The following FREM3 variants were observed in gnomAD, a reference collection of about 807,000 sequenced individuals.
FREM3 encodes the protein FRAS1-related extracellular matrix protein 3.
Under a neutral mutation model 129.1 loss-of-function variants are expected in FREM3, and 105 were observed. The ratio of observed to expected loss-of-function variants is 0.81; its 90% confidence interval spans 0.69 to 0.96. FREM3 has a LOEUF of 0.96. FREM3 is among the 40% of genes least tolerant of loss of function. FREM3 has a pLI of 0.00. For synonymous variants in FREM3, 1,014 were observed against 1,044.9 expected, an observed-to-expected ratio of 0.97 and a Z score of 0.57; for missense variants, 2,593 against 2,666.3, an observed-to-expected ratio of 0.97 and a Z score of 0.61.
At position 143,674,086 on chromosome 4, in the gene FREM3, T is replaced by G. The variant is rs421609; in HGVS notation, c.5275+19027A>C. Among the ~76,000 whole-genome samples the G allele has an allele frequency of 6.6e-5, 10 of 152,264 alleles. No individual in the cohort carries two copies. The East Asian group carries it at 1.2e-3, about 18-fold the overall frequency. On this transcript the variant is annotated intron_variant, in intron 2 of 7. Coordinates refer to ENST00000329798, the MANE Select transcript of FREM3 (RefSeq NM_001168235.2). Reference sequence around the variant, plus strand: ...CTGCTTTGGCTTACGCTTGGTGTGCTGCACCCACTGTCCAGCACCCACTGT... The same window carrying G: ...CTGCTTTGGCTTACGCTTGGTGTGCGGCACCCACTGTCCAGCACCCACTGT...
At chr4:143,614,858 G>A (rs983520171) in intron 5 of FREM3, among the ~76,000 whole-genome samples, 3 of 152,170 alleles carry the variant, frequency 2.0e-5, no homozygotes, top group African/African-American at 7.2e-5. Context: ...GTAGGGAAGA[G>A]GTGCACAGAA....
intron 6 of FREM3, among the ~76,000 whole-genome samples, chr4:143,599,301 G>C (rs1177911335): frequency 3.3e-5 from 5 of 152,164 alleles, no homozygotes; most frequent in African/African-American, 4.8e-5. Context: ...GAGGCTAAGG[G>C]ACACGATATT....
chr4:143,597,054 G>A (rs1165085928), intron 6 of FREM3, among the ~76,000 whole-genome samples: 2 of 152,134 alleles, frequency 1.3e-5, no homozygotes, highest in Non-Finnish European at 2.9e-5. Flanking sequence ...ATAAAAAGAG[G>A]ATCATAGCGG....
chr4:143,662,799 A>C (rs1390524382), intron 2 of FREM3, among the ~76,000 whole-genome samples: 1 of 151,974 alleles, frequency 6.6e-6, no homozygotes, highest in Non-Finnish European at 1.5e-5. Flanking sequence ...TAGGATAGTT[A>C]GCTCTTCTTG....
chr4:143,593,887 T>C (rs1738415048), intron 6 of FREM3, among the ~76,000 whole-genome samples: 1 of 152,200 alleles, frequency 6.6e-6, no homozygotes, highest in Admixed American at 6.5e-5. Context: ...CTCTACCCAG[T>C]TTGAGCTTTC....
chr4:143,590,414 C>T (rs1191672602), intron 6 of FREM3, among the ~76,000 whole-genome samples: 2 of 152,146 alleles, frequency 1.3e-5, no homozygotes, highest in South Asian at 2.1e-4. Flanking sequence ...TACGTCCCAT[C>T]AATACCTAAT....
rs186963584 is a variant in FREM3, at chr4:143,689,586, G to A, written c.5275+3527C>T. Reference sequence around the variant, plus strand: ...TTGAAAAAGATACTTGCACACGCGTGTTTACAGCAGCACAATTCACAATTG... The same window carrying A: ...TTGAAAAAGATACTTGCACACGCGTATTTACAGCAGCACAATTCACAATTG... On this transcript the variant is annotated intron_variant, in intron 2 of 7. Coordinates refer to ENST00000329798, the MANE Select transcript of FREM3 (RefSeq NM_001168235.2). Among the ~76,000 whole-genome samples, 381 of 152,192 alleles carry A rather than the reference G, an allele frequency of 2.5e-3. 4 individuals are homozygous for A. The highest frequency in any genetic ancestry group is 4.5e-3 in the African/African-American group (187 of 41,514).
chr4:143,697,644 T>G lies in FREM3; in HGVS notation c.3032A>C (p.Asp1011Ala), dbSNP rs935691257. ...GLPTERFTQE[D>A]LINGRVAYAH... ...ATAGGCTACTCTCCCATTGATGAGA[T>G]CCTCTTGGGTGAATCGTTCTGTGGG... The change falls in exon 1 of 8, where the codon GAT (aspartate) becomes GCT (alanine). Residue 1011 changes from aspartate (D) to alanine (A), a missense_variant. Asp to Ala is a moderately radical substitution (Grantham distance 126). Coordinates refer to ENST00000329798, the MANE Select transcript of FREM3 (RefSeq NM_001168235.2). 2.6e-6 allele frequency: 4 copies of G among 1,537,742 alleles called. No individual in the cohort carries two copies. The highest frequency in any genetic ancestry group is 3.5e-6 in the Non-Finnish European group (4 of 1,147,054).
At chr4:143,684,063 C>T (rs1740308906) in intron 2 of FREM3, among the ~76,000 whole-genome samples, 1 of 152,120 alleles carries the variant, frequency 6.6e-6, no homozygotes, top group African/African-American at 2.4e-5. Flanking sequence ...GATGGGCCTT[C>T]CCTACCTACC....
At chr4:143,643,198 A>C (rs1230776060) in intron 2 of FREM3, among the ~76,000 whole-genome samples, 1 of 152,186 alleles carries the variant, frequency 6.6e-6, no homozygotes, top group Non-Finnish European at 1.5e-5. Flanking sequence ...GATGGGAAAC[A>C]GTATTTTGGA....
At chr4:143,688,157 C>T (rs1462965653) in intron 2 of FREM3, among the ~76,000 whole-genome samples, 2 of 152,128 alleles carry the variant, frequency 1.3e-5, no homozygotes, top group African/African-American at 4.8e-5. Flanking sequence ...TAAAAGAATT[C>T]AATAGAGTTT....
chr4:143,604,397 C>T (rs901219561), intron 6 of FREM3, among the ~76,000 whole-genome samples: 4 of 152,172 alleles, frequency 2.6e-5, no homozygotes, highest in Non-Finnish European at 5.9e-5. Context: ...TCTTCACTCT[C>T]TGGAGCACTC....
chr4:143,586,109 T>C (rs566985031), intron 6 of FREM3, 116 bp from the exon 7 acceptor site: 2 of 1,023,272 alleles, frequency 2.0e-6, no homozygotes, highest in South Asian at 3.4e-5. Context: ...ACAGATCCCA[T>C]AGGTCTTGTT....
Position 143,697,020 on chromosome 4 carries a change from G to A in FREM3, c.3656C>T (p.Ala1219Val). The A allele has an allele frequency of 1.3e-6, 2 of 1,537,516 alleles. No individual in the cohort carries two copies. Among genetic ancestry groups the A allele is most frequent in the Non-Finnish European group, 1.7e-6 (2 of 1,146,982 alleles). Residue 1219 changes from alanine to valine, a missense_variant, in exon 1 of 8, where the codon GCA (alanine) becomes GTA (valine). This residue lies in a region of FREM3 where 2,276 missense variants were observed against 2,267.2 expected (regional missense o/e 1.00). Transcript: ENST00000329798. ...LVIDTQLLNG[A>V]DADLPPNELH... Reference sequence around the variant, plus strand: ...CTCATTTGGTGGCAGGTCAGCATCTGCTCCATTAAGCAGCTGGGTGTCTAT... The same window carrying A: ...CTCATTTGGTGGCAGGTCAGCATCTACTCCATTAAGCAGCTGGGTGTCTAT...
At chr4:143,660,142 C>T (rs1265805572) in intron 2 of FREM3, among the ~76,000 whole-genome samples, 1 of 151,036 alleles carries the variant, frequency 6.6e-6, no homozygotes, top group Admixed American at 6.6e-5. Flanking sequence ...GTGTTTTAGA[C>T]ATGAAGTCCT....
chr4:143,658,228 G>A (rs1450240), intron 2 of FREM3, among the ~76,000 whole-genome samples: 93,074 of 152,032 alleles, frequency 0.61, 28,807 homozygotes, highest in East Asian at 0.9. Flanking sequence ...ATTAGGAGAC[G>A]TGGCCTTTGG....
chr4:143,695,003 T>C (rs2149863621), intron 1 of FREM3, among the ~76,000 whole-genome samples: 1 of 152,302 alleles, frequency 6.6e-6, no homozygotes, highest in South Asian at 2.1e-4. Flanking sequence ...GCAAACATAG[T>C]TCTGTGCTTT....
Position 143,696,440 on chromosome 4 carries a change from G to A in FREM3, c.4236C>T (p.Asp1412=). ...DVTDGVNTLT[D]HYFYVTIGNL... is the part of the protein sequence containing the mutation. Reference sequence around the variant, plus strand: ...TGCCAATGGTGACATAGAAGTAGTGGTCTGTCAAAGTGTTAACCCCATCAG... The same window carrying A: ...TGCCAATGGTGACATAGAAGTAGTGATCTGTCAAAGTGTTAACCCCATCAG... Residue 1412 remains aspartate (D), a synonymous_variant, in exon 1 of 8, where the codon GAC becomes GAT. Coordinates refer to ENST00000329798, the MANE Select transcript of FREM3 (RefSeq NM_001168235.2). The A allele has an allele frequency of 1.3e-6, 2 of 1,537,608 alleles. No homozygotes were observed. The highest frequency in any genetic ancestry group is 8.7e-7 in the Non-Finnish European group (1 of 1,146,964).
chr4:143,670,210 A>G (rs1227351990), intron 2 of FREM3, among the ~76,000 whole-genome samples: 2 of 152,212 alleles, frequency 1.3e-5, no homozygotes, highest in Non-Finnish European at 2.9e-5. Flanking sequence ...ACCTGGGACA[A>G]GATATGTGTT....
Sources: allele counts gnomAD v4.1 joint callset (sites outside exome capture counted in the v4.1 genomes callset), GRCh38; gene constraint gnomAD v4.1.1; regional missense constraint gnomAD v4.1.1; transcripts MANE v1.5; gene names NCBI Gene and HGNC (gene_info 2026-07-23, HGNC 2026-07-21).